The following ERBB4 variants were observed in gnomAD, a reference collection of about 807,000 sequenced individuals.
The protein encoded by ERBB4 is erb-b2 receptor tyrosine kinase 4.
A neutral mutation model predicts 158.0 loss-of-function variants in ERBB4; 42 were observed. That is an observed-to-expected ratio of 0.27 (90% CI 0.21 to 0.34). ERBB4 has a LOEUF of 0.34. Among genes scored for constraint, ERBB4 ranks in the 10% least tolerant of loss-of-function variants. The pLI is 1.00. For synonymous variants in ERBB4, 583 were observed against 558.7 expected (o/e 1.04, Z -0.61); for missense variants, 1,333 against 1,624.1 (o/e 0.82, Z 3.08).
At chr2:211,952,831 T>C (rs2080911411) in intron 2 of ERBB4, among the ~76,000 whole-genome samples, 2 of 151,950 alleles carry the variant, frequency 1.3e-5, no homozygotes, top group Non-Finnish European at 2.9e-5. Context: ...AAATATTATC[T>C]CTGATAATAG....
At chr2:212,331,580 A>G (rs1259759220) in intron 1 of ERBB4, among the ~76,000 whole-genome samples, 1 of 152,094 alleles carries the variant, frequency 6.6e-6, no homozygotes, top group Non-Finnish European at 1.5e-5. Context: ...TAAAGCATCT[A>G]TTGTATACTG....
intron 25 of ERBB4, among the ~76,000 whole-genome samples, chr2:211,406,023 T>C (rs1248836722): frequency 3.3e-5 from 5 of 152,190 alleles, no homozygotes; most frequent in African/African-American, 1.2e-4. Context: ...ACTCATGTCC[T>C]GTGACTCAAG....
At chr2:211,832,132 A>C (rs749137394) in intron 3 of ERBB4, among the ~76,000 whole-genome samples, 2 of 152,194 alleles carry the variant, frequency 1.3e-5, no homozygotes, top group Non-Finnish European at 2.9e-5. Flanking sequence ...TAGCTACTGT[A>C]GCTTTTATAC....
At chr2:211,895,721 C>T (rs2079080895) in intron 3 of ERBB4, among the ~76,000 whole-genome samples, 1 of 152,120 alleles carries the variant, frequency 6.6e-6, no homozygotes, top group Non-Finnish European at 1.5e-5. Flanking sequence ...AGGAAAATTC[C>T]ATTATAGAAC....
intron 1 of ERBB4, among the ~76,000 whole-genome samples, chr2:212,242,220 TAAA>T (rs769008701): frequency 9.5e-4 from 145 of 152,054 alleles, no homozygotes; most frequent in Non-Finnish European, 1.8e-3. Flanking sequence ...TTCCTCTTGT[TAAA>T]GAAGAGAAAG....
intron 1 of ERBB4, among the ~76,000 whole-genome samples, chr2:212,419,022 A>G (rs944793344): frequency 3.3e-5 from 5 of 151,844 alleles, no homozygotes; most frequent in Admixed American, 3.3e-4. Context: ...GAAAAGAGCC[A>G]TACCCTATAC....
chr2:212,309,709 C>A (rs1391371664), intron 1 of ERBB4, among the ~76,000 whole-genome samples: 1 of 150,526 alleles, frequency 6.6e-6, no homozygotes, highest in African/African-American at 2.4e-5. Context: ...CACCTCTCTG[C>A]TGCAAATCTG....
chr2:211,998,467 T>C (rs950785428), intron 2 of ERBB4, among the ~76,000 whole-genome samples: 2 of 140,250 alleles, frequency 1.4e-5, no homozygotes, highest in Non-Finnish European at 3.0e-5. Context: ...TTAAGTACAC[T>C]AAAATTCAGA....
Position 212,063,615 on chromosome 2 carries a change from GA to G in ERBB4, c.234+61136del, listed in dbSNP as rs200131542. Among the ~76,000 whole-genome samples the G allele has an allele frequency of 4.0e-5, 6 of 151,422 alleles. No individual in the cohort carries two copies. The South Asian group carries it at 1.2e-3, about 31-fold the overall frequency. Reference sequence around the variant, plus strand: ...TGATAGCAAACCCAGCAACCATAGGGAAAAAAAATGACAGAATTGAGAACAT... The same window carrying G: ...TGATAGCAAACCCAGCAACCATAGGGAAAAAAATGACAGAATTGAGAACAT... On this transcript the variant is annotated intron_variant, in intron 2 of 27. Coordinates refer to ENST00000342788, the MANE Select transcript of ERBB4 (RefSeq NM_005235.3).
chr2:211,679,116 A>G lies in ERBB4; in HGVS notation c.1558T>C (p.Cys520Arg). 2 of 1,614,024 alleles carry G rather than the reference A, an allele frequency of 1.2e-6. No individual in the cohort carries two copies. The highest frequency in any genetic ancestry group is 1.7e-6 in the Non-Finnish European group (2 of 1,179,926). Residue 520 changes from cysteine to arginine, a missense_variant, in exon 13 of 28, where the codon TGT becomes CGT. Cys to Arg is a radical substitution (Grantham distance 180). Around this residue, in one of 5 missense-constraint regions of ERBB4, gnomAD observed 245 missense variants for 247.5 expected, o/e 0.99. Transcript: ENST00000342788. ...DGCWGPGPDQ[C>R]LSCRRFSRGR... ...CTACTGAAGCGGCGACACGACAGACATTGGTCTGGCCCAGGTCCCCAACAG... is the reference window on the plus strand; with the variant it reads ...CTACTGAAGCGGCGACACGACAGACGTTGGTCTGGCCCAGGTCCCCAACAG...
intron 19 of ERBB4, among the ~76,000 whole-genome samples, chr2:211,588,188 T>C (rs2068345857): frequency 6.6e-6 from 1 of 152,178 alleles, no homozygotes. Flanking sequence ...TTTTTATTTT[T>C]AAAAATTGGA....
At chr2:211,964,224 C>G (rs539550232) in intron 2 of ERBB4, among the ~76,000 whole-genome samples, 6 of 152,246 alleles carry the variant, frequency 3.9e-5, no homozygotes, top group South Asian at 4.2e-4. Flanking sequence ...CATCAATATC[C>G]CCTCCTCTTC....
chr2:212,468,596 G>T lies in ERBB4; in HGVS notation c.82+69853C>A, dbSNP rs549335524. On this transcript the variant is annotated intron_variant, in intron 1 of 27. Transcript: ENST00000342788. ...TAAGTCCAATAAACTTCTTTATTTTGTAAATTGTCCCGTCTCAGGTATATC... is the reference window on the plus strand; with the variant it reads ...TAAGTCCAATAAACTTCTTTATTTTTTAAATTGTCCCGTCTCAGGTATATC... Among the ~76,000 whole-genome samples the T allele has an allele frequency of 2.3e-4, 35 of 152,256 alleles. No individual in the cohort carries two copies. In the South Asian group the frequency reaches 6.0e-3, roughly 26 times the overall value.
chr2:211,393,881 CAGG>C (rs547500869), intron 25 of ERBB4, among the ~76,000 whole-genome samples: 118 of 151,766 alleles, frequency 7.8e-4, no homozygotes, highest in African/African-American at 2.7e-3. Context: ...AGCCCTGAAG[CAGG>C]AGGAGACAAT....
chr2:211,688,273 C>T (rs542933795), intron 12 of ERBB4, among the ~76,000 whole-genome samples: 5 of 152,242 alleles, frequency 3.3e-5, no homozygotes, highest in East Asian at 3.9e-4. Flanking sequence ...TTTCTTACAG[C>T]GCAGTTGTCT....
At chr2:212,513,661 A>C (rs958304083) in intron 1 of ERBB4, among the ~76,000 whole-genome samples, 1 of 152,062 alleles carries the variant, frequency 6.6e-6, no homozygotes, top group Admixed American at 6.6e-5. Flanking sequence ...AATACAAAAA[A>C]TTAGCCGGGC....
intron 25 of ERBB4, among the ~76,000 whole-genome samples, chr2:211,413,915 C>G (rs949096297): frequency 6.6e-6 from 1 of 151,706 alleles, no homozygotes; most frequent in Non-Finnish European, 1.5e-5. Flanking sequence ...CCACCACACA[C>G]GAGATAAAGA....
intron 1 of ERBB4, among the ~76,000 whole-genome samples, chr2:212,304,470 A>G (rs548050682): frequency 9.5e-6 from 1 of 104,904 alleles, no homozygotes; most frequent in East Asian, 4.8e-4. Flanking sequence ...TTGATAAAGA[A>G]CACATATTTT....
At chr2:211,664,564 G>T (rs1238739411) in intron 15 of ERBB4, among the ~76,000 whole-genome samples, 1 of 152,158 alleles carries the variant, frequency 6.6e-6, no homozygotes, top group Non-Finnish European at 1.5e-5. Flanking sequence ...GTTGGAATTT[G>T]TTAGATGAAT....
Sources: allele counts gnomAD v4.1 joint callset (sites outside exome capture counted in the v4.1 genomes callset), GRCh38; gene constraint gnomAD v4.1.1; regional missense constraint gnomAD v4.1.1; transcripts MANE v1.5; gene names NCBI Gene and HGNC (gene_info 2026-07-23, HGNC 2026-07-21).